METTL8: variants seen among roughly 807,000 people sequenced by gnomAD.
METTL8 encodes the protein tRNA N(3)-cytidine methyltransferase METTL8, mitochondrial.
A neutral mutation model predicts 48.7 loss-of-function variants in METTL8; 32 were observed. That is an observed-to-expected ratio of 0.66 (90% CI 0.50 to 0.88). The LOEUF (loss-of-function observed/expected upper bound fraction) is 0.88, where lower values mean the gene tolerates loss of function less well. Among genes scored for constraint, METTL8 ranks in the 40% least tolerant of loss-of-function variants. The probability of loss-of-function intolerance (pLI) is 0.00; values close to 1 mark genes in which losing one functional copy is unlikely to be tolerated. For synonymous variants in METTL8, 136 were observed against 157.1 expected (o/e 0.87, Z 1.01); for missense variants, 464 against 474.4 (o/e 0.98, Z 0.20).
chr2:171,414,992 C>T lies in METTL8; in HGVS notation c.-13+18891G>A, dbSNP rs140629305. On this transcript the variant is annotated intron_variant, in intron 1 of 9. Transcript: ENST00000375258. ...TCACATTCTCTCTCTTGCCTGCTGC[C>T]ATGTAAACTGTGCCTTTTGCCTTCT... 1.5e-3 allele frequency among the ~76,000 whole-genome samples: 227 copies of T among 152,240 alleles called. 3 individuals carry two copies. In the East Asian group the frequency reaches 0.015, roughly 10 times the overall value.
In METTL8 at chr2:171,318,756, C is replaced by G. The variant is rs151307994; in HGVS notation, c.*5416G>C. On this transcript the variant is annotated 3_prime_UTR_variant, in exon 10 of 10. Coordinates refer to ENST00000375258, the MANE Select transcript of METTL8 (RefSeq NM_001321154.2). The stretch of plus-strand genomic sequence containing the variant: ...GTCGTCTGAAACAAACTCCTCTCCA[C>G]TGCTATCGTTTTCTGCTTGACTCAG... 1 of 151,962 alleles carries G rather than the reference C, an allele frequency of 6.6e-6. No homozygotes were observed. The highest frequency in any genetic ancestry group is 1.9e-4 in the East Asian group (1 of 5,176). The allele number at this position is 151,962 out of a possible 1,614,324, so 9.4% of individuals were successfully genotyped here.
chr2:171,405,112 G>A (rs1017067053), intron 1 of METTL8, among the ~76,000 whole-genome samples: 2 of 152,140 alleles, frequency 1.3e-5, no homozygotes, highest in African/African-American at 4.8e-5. Flanking sequence ...GATGAAGGTA[G>A]GGAAGGGAAG....
At chr2:171,401,721 A>C (rs2105594026) in intron 1 of METTL8, among the ~76,000 whole-genome samples, 1 of 152,302 alleles carries the variant, frequency 6.6e-6, no homozygotes, top group South Asian at 2.1e-4. Context: ...GGCCAGAATG[A>C]AATTGGTTTT....
chr2:171,431,164 A>ATAAGG (rs1692971718), intron 1 of METTL8, among the ~76,000 whole-genome samples: 1 of 152,230 alleles, frequency 6.6e-6, no homozygotes, highest in African/African-American at 2.4e-5. Flanking sequence ...TGCTTACACC[A>ATAAGG]GATGTTTTGT....
rs564929456 is a variant in METTL8 at position 171,346,404 on chromosome 2, A to G, written c.236-6850T>C. On this transcript the variant is annotated intron_variant, in intron 3 of 9. Transcript: ENST00000375258. ...GCAAGACTATTATTTGTGATGCATA[A>G]TTTCTTACTTTCAGATTGTGAGAGT... Among the ~76,000 whole-genome samples, 9 of 152,316 alleles carry G rather than the reference A, an allele frequency of 5.9e-5. No homozygotes were observed. In the South Asian group the frequency reaches 1.9e-3, roughly 32 times the overall value.
chr2:171,365,205 T>C (rs1353271853), intron 2 of METTL8, among the ~76,000 whole-genome samples: 3 of 152,162 alleles, frequency 2.0e-5, no homozygotes, highest in Non-Finnish European at 4.4e-5. Flanking sequence ...GGGGAAATAA[T>C]ACTCCTTTGA....
intron 1 of METTL8, among the ~76,000 whole-genome samples, chr2:171,424,618 T>C (rs1692217362): frequency 6.6e-6 from 1 of 152,202 alleles, no homozygotes; most frequent in South Asian, 2.1e-4. Context: ...TGTAGCCCCT[T>C]TGTTTTGGCC....
intron 2 of METTL8, among the ~76,000 whole-genome samples, chr2:171,373,460 G>A (rs1686595634): frequency 6.6e-6 from 1 of 152,086 alleles, no homozygotes; most frequent in Non-Finnish European, 1.5e-5. Context: ...AGTTTCTTTT[G>A]CTGTGCAGAA....
intron 2 of METTL8, among the ~76,000 whole-genome samples, chr2:171,366,437 C>G (rs973349303): frequency 1.3e-5 from 2 of 152,094 alleles, no homozygotes; most frequent in African/African-American, 4.8e-5. Context: ...TAAAGGAAGG[C>G]AACATAATCC....
chr2:171,419,530 G>A (rs1342942768), intron 1 of METTL8, among the ~76,000 whole-genome samples: 1 of 152,104 alleles, frequency 6.6e-6, no homozygotes, highest in Non-Finnish European at 1.5e-5. Flanking sequence ...AGTGGTTTCA[G>A]AATTATTACC....
rs1046549908 is a variant in METTL8 at position 171,321,625 on chromosome 2, A to G, written c.*2547T>C. The stretch of plus-strand genomic sequence containing the variant: ...TTATTCCAATGATGGTTCTTTCAAG[A>G]GAGTATTTATTTATTCTAGGTTCTG... On this transcript the variant is annotated 3_prime_UTR_variant, in exon 10 of 10. Transcript: ENST00000375258. 3.3e-5 allele frequency: 5 copies of G among 152,180 alleles called. No homozygotes were observed. Among genetic ancestry groups the G allele is most frequent in the Non-Finnish European group, 5.9e-5 (4 of 68,026 alleles). 9.4% of individuals were successfully genotyped at this position (152,180 alleles called of 1,614,324 possible).
intron 1 of METTL8, among the ~76,000 whole-genome samples, chr2:171,410,988 T>TAA (rs1055222927): frequency 1.5e-4 from 23 of 152,216 alleles, no homozygotes; most frequent in Admixed American, 1.4e-3. Flanking sequence ...TGGATGTTTT[T>TAA]AAAAAGTGTT....
intron 1 of METTL8, among the ~76,000 whole-genome samples, chr2:171,425,990 C>A (rs1420050942): frequency 6.6e-6 from 1 of 152,078 alleles, no homozygotes; most frequent in Non-Finnish European, 1.5e-5. Flanking sequence ...AATCTCATCT[C>A]TACTAAAAAT....
chr2:171,360,710 C>A (rs1177938097), intron 2 of METTL8, among the ~76,000 whole-genome samples, 197 bp from the exon 3 acceptor site: 2 of 152,168 alleles, frequency 1.3e-5, no homozygotes, highest in Non-Finnish European at 2.9e-5. Context: ...TAAGATTCTT[C>A]TGTTTAAATC....
intron 6 of METTL8, among the ~76,000 whole-genome samples, chr2:171,331,473 G>C (rs1685523762): frequency 6.7e-6 from 1 of 149,132 alleles, no homozygotes; most frequent in South Asian, 2.1e-4. Context: ...CTGGAGTGCT[G>C]TGGCACGATC....
At chr2:171,360,355 A>G in intron 3 of METTL8, 67 bp downstream of exon 3, 3 of 1,333,898 alleles carry the variant, frequency 2.2e-6, no homozygotes, top group South Asian at 1.2e-5. Context: ...CTCAGAAGCA[A>G]TGACACGAGG....
At chr2:171,433,570 G>GTATA (rs764892006) in intron 1 of METTL8, among the ~76,000 whole-genome samples, 9 of 152,150 alleles carry the variant, frequency 5.9e-5, no homozygotes, top group Non-Finnish European at 1.2e-4. Flanking sequence ...AGTTAACAAA[G>GTATA]TATATCTTTT....
In METTL8 at chr2:171,368,265, C is replaced by T. The variant is rs111402173; in HGVS notation, c.144-7752G>A. 2.3e-3 allele frequency among the ~76,000 whole-genome samples: 352 copies of T among 152,224 alleles called. 1 individual carries two copies. The highest frequency in any genetic ancestry group is 8.1e-3 in the African/African-American group (337 of 41,554). On this transcript the variant is annotated intron_variant, in intron 2 of 9. Transcript: ENST00000375258. ...CTTCTTACTGAAGTACAATGGATGGCTTGACTGAGGAAAAGTACTCATATG... is the reference window on the plus strand; with the variant it reads ...CTTCTTACTGAAGTACAATGGATGGTTTGACTGAGGAAAAGTACTCATATG...
chr2:171,389,068 G>A (rs1006170971), intron 2 of METTL8, among the ~76,000 whole-genome samples: 3 of 152,146 alleles, frequency 2.0e-5, no homozygotes, highest in Non-Finnish European at 2.9e-5. Flanking sequence ...GTGTTCAAAT[G>A]AAAGGAATAG....
Sources: gnomAD v4.1 joint callset for allele counts (sites outside exome capture counted in the v4.1 genomes callset) on GRCh38, gnomAD v4.1.1 for gene constraint, MANE v1.5 for transcripts, NCBI Gene and HGNC (gene_info 2026-07-23, HGNC 2026-07-21) for gene names.